The following ALKBH5 variants were observed in gnomAD, a reference collection of about 807,000 sequenced individuals.
ALKBH5 encodes the protein alkB homolog 5, RNA demethylase.
In ALKBH5, 2 loss-of-function variants were observed where a neutral mutation model predicts 32.1. The ratio of observed to expected loss-of-function variants is 0.06; its 90% CI spans 0.03 to 0.20. The LOEUF is 0.20. Among genes scored for constraint, ALKBH5 ranks in the 10% least tolerant of loss-of-function variants. The pLI is 1.00. For missense variants in ALKBH5, 352 were observed against 559.5 expected (o/e 0.63, Z 3.74); for synonymous variants, 300 against 231.7 (o/e 1.29, Z -2.68).
At chr17:18,194,088 CA>C (rs2047192441) in intron 1 of ALKBH5, among the ~76,000 whole-genome samples, 1 of 135,284 alleles carries the variant, frequency 7.4e-6, no homozygotes, top group Admixed American at 9.1e-5. Context: ...TTTTAAAAGT[CA>C]TGTAACTTGT....
chr17:18,206,574 T>G, intron 2 of ALKBH5: 2 of 447,108 alleles, frequency 4.5e-6, no homozygotes, highest in Non-Finnish European at 8.0e-6. Flanking sequence ...CAGCCTGTCA[T>G]TGGGAGTTTC....
chr17:18,206,740 C>A, intron 2 of ALKBH5, 75 bp from the exon 3 acceptor site: 2 of 1,547,782 alleles, frequency 1.3e-6, no homozygotes, highest in South Asian at 1.2e-5. Flanking sequence ...CTTGGCCTGG[C>A]CAGAGAATTG....
At chr17:18,194,857 C>A in intron 1 of ALKBH5, 98 bp from the exon 2 acceptor site, 1 of 925,692 alleles carries the variant, frequency 1.1e-6, no homozygotes, top group Non-Finnish European at 1.7e-6. Flanking sequence ...TAGAGAGCAG[C>A]CGTAAGACCT....
chr17:18,188,651 G>T (rs758434050), intron 1 of ALKBH5, among the ~76,000 whole-genome samples: 1 of 152,196 alleles, frequency 6.6e-6, no homozygotes, highest in African/African-American at 2.4e-5. Context: ...GGCCAGGGGG[G>T]TTGGCTGCCC....
intron 1 of ALKBH5, 62 bp from the exon 2 acceptor site, chr17:18,194,891 ATC>A: frequency 2.1e-6 from 3 of 1,461,082 alleles, no homozygotes; most frequent in South Asian, 1.2e-5. Flanking sequence ...GTCCTGTTAT[ATC>A]CCCCAGGAAC....
chr17:18,189,099 C>G (rs570711549), intron 1 of ALKBH5, among the ~76,000 whole-genome samples: 5 of 151,762 alleles, frequency 3.3e-5, no homozygotes. Flanking sequence ...ATTTCAAGGC[C>G]GGGCGCGGTG....
chr17:18,186,579 T>A (rs1313418584), intron 1 of ALKBH5, among the ~76,000 whole-genome samples: 3 of 152,174 alleles, frequency 2.0e-5, no homozygotes, highest in Non-Finnish European at 2.9e-5. Flanking sequence ...TTGGGACTAC[T>A]ACTCTCCTTA....
chr17:18,184,714 G>A lies in ALKBH5; in HGVS notation c.471G>A (p.Pro157=), dbSNP rs757318472. 1.2e-5 allele frequency: 20 copies of A among 1,613,154 alleles called. No homozygotes were observed. The highest frequency in any genetic ancestry group is 1.6e-4 in the Middle Eastern group (1 of 6,082). Residue 157 remains proline, a synonymous_variant, in exon 1 of 4, where the codon CCG becomes CCA. Transcript: ENST00000399138. ...KRGPGQERLY[P]PGDVDEIPEW... Reference sequence around the variant, plus strand: ...GGCCCGGCCAGGAGCGCCTCTACCCGCCGGGCGACGTGGACGAGATCCCCG... The same window carrying A: ...GGCCCGGCCAGGAGCGCCTCTACCCACCGGGCGACGTGGACGAGATCCCCG...
chr17:18,206,036 A>G (rs910151730), intron 2 of ALKBH5, among the ~76,000 whole-genome samples: 5 of 152,066 alleles, frequency 3.3e-5, no homozygotes, highest in African/African-American at 1.2e-4. Context: ...GAGGTTTTCC[A>G]TGCCAGCTCC....
chr17:18,195,179 A>C, intron 2 of ALKBH5, 144 bp downstream of exon 2: 1 of 643,318 alleles, frequency 1.6e-6, no homozygotes, highest in South Asian at 2.1e-5. Context: ...TTTTATTTGA[A>C]TCCTGTGAGG....
At chr17:18,198,894 G>T (rs2047219858) in intron 2 of ALKBH5, among the ~76,000 whole-genome samples, 1 of 152,194 alleles carries the variant, frequency 6.6e-6, no homozygotes, top group Non-Finnish European at 1.5e-5. Flanking sequence ...GTCCCTTGGT[G>T]TTATAATGTT....
intron 1 of ALKBH5, among the ~76,000 whole-genome samples, chr17:18,191,180 G>A (rs1311421862): frequency 1.3e-5 from 2 of 152,230 alleles, no homozygotes; most frequent in Non-Finnish European, 2.9e-5. Context: ...ATAATACCCT[G>A]TGGTCTCTGC....
intron 2 of ALKBH5, among the ~76,000 whole-genome samples, chr17:18,196,559 A>G (rs1281190386): frequency 6.6e-6 from 1 of 152,196 alleles, no homozygotes; most frequent in Non-Finnish European, 1.5e-5. Flanking sequence ...TAGGTATTGT[A>G]TAGAAAATCT....
intron 1 of ALKBH5, among the ~76,000 whole-genome samples, chr17:18,187,958 G>A (rs867919529): frequency 3.3e-5 from 5 of 152,312 alleles, no homozygotes; most frequent in Non-Finnish European, 4.4e-5. Context: ...ATAGTGATCA[G>A]CATGGATGTT....
intron 2 of ALKBH5, among the ~76,000 whole-genome samples, chr17:18,196,660 ACT>A (rs2047206366): frequency 6.6e-6 from 1 of 152,182 alleles, no homozygotes; most frequent in African/African-American, 2.4e-5. Flanking sequence ...GTAACTTAAC[ACT>A]ATTGATATTG....
chr17:18,197,247 A>C (rs1448113821), intron 2 of ALKBH5, among the ~76,000 whole-genome samples: 1 of 152,208 alleles, frequency 6.6e-6, no homozygotes, highest in Non-Finnish European at 1.5e-5. Flanking sequence ...TTCTAGCCTA[A>C]GACTGTTCCC....
At chr17:18,197,530 A>G (rs2047211249) in intron 2 of ALKBH5, among the ~76,000 whole-genome samples, 1 of 152,212 alleles carries the variant, frequency 6.6e-6, no homozygotes, top group Non-Finnish European at 1.5e-5. Flanking sequence ...TCTTCCCATA[A>G]TAGCTTATTT....
intron 2 of ALKBH5, among the ~76,000 whole-genome samples, chr17:18,202,943 G>A (rs1160093347): frequency 6.6e-6 from 1 of 151,774 alleles, no homozygotes; most frequent in Non-Finnish European, 1.5e-5. Context: ...GCATGGTGGC[G>A]TGCACCTGTA....
intron 3 of ALKBH5, 135 bp downstream of exon 3, chr17:18,207,105 G>T: frequency 1.6e-6 from 2 of 1,243,762 alleles, no homozygotes; most frequent in East Asian, 4.8e-5. Flanking sequence ...TGGTTCCTCT[G>T]GGTTGGTGGC....
Sources: gnomAD v4.1 joint callset for allele counts (sites outside exome capture counted in the v4.1 genomes callset) on GRCh38, gnomAD v4.1.1 for gene constraint, MANE v1.5 for transcripts, NCBI Gene and HGNC (gene_info 2026-07-23, HGNC 2026-07-21) for gene names.